The following LRRC7 variants were observed in gnomAD, a reference collection of about 807,000 sequenced individuals.
LRRC7 encodes the protein leucine rich repeat containing 7.
A neutral mutation model predicts 175.7 loss-of-function variants in LRRC7; 23 were observed. The observed-to-expected ratio is 0.13, with a 90% CI of 0.09 to 0.19. LRRC7 has a LOEUF of 0.19. Ranked by LOEUF, LRRC7 falls within the 10% of genes least tolerant of loss-of-function variation. The pLI is 1.00. For synonymous variants in LRRC7, 685 were observed against 680.9 expected (o/e 1.01, Z -0.09); for missense variants, 1,354 against 1,904.7 (o/e 0.71, Z 5.38).
intron 1 of LRRC7, among the ~76,000 whole-genome samples, chr1:69,590,445 C>T (rs1646585759): frequency 6.6e-6 from 1 of 152,014 alleles, no homozygotes; most frequent in Non-Finnish European, 1.5e-5. Flanking sequence ...AGTTGGCAAC[C>T]AGGATCAGCA....
intron 8 of LRRC7, among the ~76,000 whole-genome samples, chr1:69,963,738 G>A (rs904221674): frequency 7.9e-5 from 12 of 152,142 alleles, no homozygotes; most frequent in African/African-American, 1.9e-4. Context: ...CAAAGTTTGC[G>A]GTATAGGTGG....
intron 7 of LRRC7, among the ~76,000 whole-genome samples, chr1:69,910,805 G>A (rs1244820543): frequency 6.6e-6 from 1 of 152,238 alleles, no homozygotes; most frequent in African/African-American, 2.4e-5. Context: ...CAGAGGTGGA[G>A]CCTACAGAGG....
intron 12 of LRRC7, 85 bp downstream of exon 12, chr1:70,012,011 G>T (rs1656556086): frequency 4.4e-6 from 4 of 900,214 alleles, no homozygotes; most frequent in Non-Finnish European, 6.9e-6. Context: ...TAGCAATGTA[G>T]ATTCATGAGT....
chr1:70,031,084 C>T (rs1339796838), intron 18 of LRRC7: 2 of 152,184 alleles, frequency 1.3e-5, no homozygotes, highest in Non-Finnish European at 2.9e-5. Context: ...CTGATATCCT[C>T]TATCATGTCA....
intron 2 of LRRC7, among the ~76,000 whole-genome samples, chr1:69,721,828 T>G (rs1259938546): frequency 6.6e-6 from 1 of 151,890 alleles, no homozygotes; most frequent in Non-Finnish European, 1.5e-5. Context: ...TTAAGAAAAT[T>G]ATTATTTTTA....
chr1:70,019,604 T>C (rs962289827), intron 15 of LRRC7, among the ~76,000 whole-genome samples: 5 of 152,162 alleles, frequency 3.3e-5, no homozygotes, highest in Middle Eastern at 3.4e-3. Context: ...CATTTGTTTA[T>C]GTATTTCTTA....
At chr1:69,927,550 C>A (rs1647122911) in intron 7 of LRRC7, among the ~76,000 whole-genome samples, 1 of 152,172 alleles carries the variant, frequency 6.6e-6, no homozygotes, top group African/African-American at 2.4e-5. Context: ...CACTTCATTT[C>A]ATTCATTTCA....
At chr1:70,117,740 A>T (rs1178955752) in intron 26 of LRRC7, among the ~76,000 whole-genome samples, 1 of 152,118 alleles carries the variant, frequency 6.6e-6, no homozygotes, top group Non-Finnish European at 1.5e-5. Flanking sequence ...TTTTCTTGGT[A>T]ACTTCATTTC....
intron 1 of LRRC7, among the ~76,000 whole-genome samples, chr1:69,649,127 TCTCA>T (rs779602109): frequency 9.2e-5 from 14 of 152,336 alleles, no homozygotes; most frequent in East Asian, 1.9e-4. Context: ...TTAGATTCTG[TCTCA>T]CTCACTATAC....
intron 7 of LRRC7, among the ~76,000 whole-genome samples, chr1:69,911,178 G>T (rs183844965): frequency 6.6e-6 from 1 of 151,620 alleles, no homozygotes; most frequent in East Asian, 1.9e-4. Context: ...GCCCTGCTTC[G>T]GCTCGCGCAC....
chr1:69,997,820 T>G (rs1206781017), intron 11 of LRRC7, among the ~76,000 whole-genome samples: 3 of 152,170 alleles, frequency 2.0e-5, no homozygotes, highest in East Asian at 3.9e-4. Context: ...TTATTGAGGA[T>G]TTTTGCATCA....
chr1:69,834,352 T>C (rs931741076), intron 5 of LRRC7, among the ~76,000 whole-genome samples: 3 of 152,156 alleles, frequency 2.0e-5, no homozygotes, highest in African/African-American at 7.2e-5. Flanking sequence ...AGACAAATTT[T>C]GATGATTAAG....
In LRRC7 at chr1:70,029,905, T is replaced by C. The variant is rs573483599; in HGVS notation, c.1995+1534T>C. Among the ~76,000 whole-genome samples, 9 of 152,298 alleles carry C rather than the reference T, an allele frequency of 5.9e-5. No individual in the cohort carries two copies. The South Asian group carries it at 1.9e-3, about 32-fold the overall frequency. On this transcript the variant is annotated intron_variant, in intron 18 of 26. Transcript: ENST00000651989. ...AACAAATCCAAAATTAGATTTAATG[T>C]TTCCTTTGCAAACTTGCTTTTGCTT...
intron 7 of LRRC7, among the ~76,000 whole-genome samples, chr1:69,890,057 T>C (rs934426353): frequency 6.6e-6 from 1 of 152,224 alleles, no homozygotes; most frequent in Non-Finnish European, 1.5e-5. Context: ...AATCAATTTC[T>C]TCCAAACTTA....
At chr1:70,108,108 T>C (rs1179147373) in intron 26 of LRRC7, among the ~76,000 whole-genome samples, 1 of 149,172 alleles carries the variant, frequency 6.7e-6, no homozygotes, top group African/African-American at 2.4e-5. Context: ...ATATATATTA[T>C]ATATATATAT....
intron 7 of LRRC7, among the ~76,000 whole-genome samples, chr1:69,927,237 A>T (rs1392045948): frequency 6.6e-6 from 1 of 152,112 alleles, no homozygotes; most frequent in Non-Finnish European, 1.5e-5. Context: ...GGCTGCCCTT[A>T]ACATTTTTTC....
intron 25 of LRRC7, among the ~76,000 whole-genome samples, chr1:70,094,199 A>T (rs1408597853): frequency 6.6e-6 from 1 of 152,126 alleles, no homozygotes; most frequent in African/African-American, 2.4e-5. Flanking sequence ...TCCTCAAAGG[A>T]CCTGACAGCA....
At chr1:69,596,464 G>A (rs990999858) in intron 1 of LRRC7, among the ~76,000 whole-genome samples, 1 of 152,150 alleles carries the variant, frequency 6.6e-6, no homozygotes, top group African/African-American at 2.4e-5. Flanking sequence ...GCATAAGCAA[G>A]CTGGTACATA....
intron 1 of LRRC7, among the ~76,000 whole-genome samples, chr1:69,670,835 C>T (rs1197446585): frequency 6.6e-6 from 1 of 152,108 alleles, no homozygotes; most frequent in Non-Finnish European, 1.5e-5. Flanking sequence ...CATCAATATT[C>T]CCTTAAGGCT....
Sources: gnomAD v4.1 joint callset for allele counts (sites outside exome capture counted in the v4.1 genomes callset) on GRCh38, gnomAD v4.1.1 for gene constraint, MANE v1.5 for transcripts, NCBI Gene and HGNC (gene_info 2026-07-23, HGNC 2026-07-21) for gene names.